SLC24A4: variants seen among roughly 807,000 people sequenced by gnomAD.
SLC24A4 encodes the protein sodium/potassium/calcium exchanger 4.
Under a neutral mutation model 79.0 loss-of-function variants are expected in SLC24A4, and 53 were observed. The ratio of observed to expected loss-of-function variants is 0.67; its 90% confidence interval spans 0.54 to 0.84. The LOEUF (loss-of-function observed/expected upper bound fraction) is 0.84, where lower values mean the gene tolerates loss of function less well. Ranked by LOEUF, SLC24A4 falls within the 40% of genes least tolerant of loss-of-function variation. The pLI is 0.00. For missense variants in SLC24A4, 731 were observed against 822.0 expected, an observed-to-expected ratio of 0.89 and a Z score of 1.35; for synonymous variants, 323 against 323.8, an observed-to-expected ratio of 1.00 and a Z score of 0.03.
At chr14:92,334,525 A>G (rs923381813) in intron 2 of SLC24A4, among the ~76,000 whole-genome samples, 4 of 152,208 alleles carry the variant, frequency 2.6e-5, no homozygotes, top group African/African-American at 7.2e-5. Context: ...GCCTGCTGGC[A>G]TTTAGTGGCT....
chr14:92,420,970 C>T (rs1279293047), intron 2 of SLC24A4, among the ~76,000 whole-genome samples: 1 of 152,152 alleles, frequency 6.6e-6, no homozygotes, highest in East Asian at 1.9e-4. Flanking sequence ...TCAGAGCCCT[C>T]ACTGCTCCTC....
At position 92,432,889 on chromosome 14, in the gene SLC24A4, A is replaced by G. The variant is rs565643583; in HGVS notation, c.242-1023A>G. 4.5e-4 allele frequency among the ~76,000 whole-genome samples: 69 copies of G among 152,374 alleles called. 1 individual carries two copies. The highest frequency in any genetic ancestry group is 4.2e-3 in the Admixed American group (65 of 15,308). On this transcript the variant is annotated intron_variant, in intron 2 of 16. Coordinates refer to ENST00000532405, the MANE Select transcript of SLC24A4 (RefSeq NM_153646.4). ...CTGGAAGTTTATTTAACAAGCATTT[A>G]TCAAGCACCCACAATGAACTAGGTG...
intron 4 of SLC24A4, 120 bp downstream of exon 4, chr14:92,439,529 C>A: frequency 1.1e-6 from 1 of 911,642 alleles, no homozygotes; most frequent in Non-Finnish European, 1.8e-6. Context: ...ACTGTCACAC[C>A]GAGCACTTAG....
chr14:92,348,989 G>A (rs1886708173), intron 2 of SLC24A4, among the ~76,000 whole-genome samples: 2 of 151,912 alleles, frequency 1.3e-5, no homozygotes, highest in East Asian at 1.9e-4. Context: ...CTCGCAGGGA[G>A]GCACCAAGTC....
intron 2 of SLC24A4, among the ~76,000 whole-genome samples, chr14:92,378,854 A>G (rs990047594): frequency 2.6e-5 from 4 of 152,248 alleles, no homozygotes; most frequent in African/African-American, 9.6e-5. Context: ...GTTTGAGGCC[A>G]GCCTGGGCAA....
intron 2 of SLC24A4, among the ~76,000 whole-genome samples, chr14:92,402,549 A>C (rs1272021504): frequency 6.6e-6 from 1 of 152,132 alleles, no homozygotes; most frequent in Admixed American, 6.6e-5. Flanking sequence ...TATATTAGTC[A>C]ATTTTCATGG....
chr14:92,398,892 G>T lies in SLC24A4; in HGVS notation c.242-35020G>T, dbSNP rs1162897375. On this transcript the variant is annotated intron_variant, in intron 2 of 16. Transcript: ENST00000532405. The surrounding 1 kb of genome is among the most constrained non-coding windows in gnomAD (Gnocchi z 4.1). The stretch of plus-strand genomic sequence containing the variant: ...CAACTCAATGCCTGCTTCTTTCCCA[G>T]GATTGGATCTTCAAGGACAAGGACC... 2.0e-5 allele frequency among the ~76,000 whole-genome samples: 3 copies of T among 152,190 alleles called. No individual in the cohort carries two copies. Among genetic ancestry groups the T allele is most frequent in the Non-Finnish European group, 2.9e-5 (2 of 68,036 alleles).
At chr14:92,460,574 A>T (rs1893742222) in intron 12 of SLC24A4, among the ~76,000 whole-genome samples, 1 of 152,176 alleles carries the variant, frequency 6.6e-6, no homozygotes, top group Admixed American at 6.5e-5. Context: ...TCTGGGCTTC[A>T]GGCACTTAGC....
intron 2 of SLC24A4, among the ~76,000 whole-genome samples, chr14:92,386,587 G>A (rs1889171338): frequency 6.6e-6 from 1 of 152,134 alleles, no homozygotes; most frequent in Non-Finnish European, 1.5e-5. Flanking sequence ...AACTGTACCT[G>A]CTATTAACCA....
At chr14:92,471,999 G>A (rs1894461780) in intron 12 of SLC24A4, among the ~76,000 whole-genome samples, 1 of 152,144 alleles carries the variant, frequency 6.6e-6, no homozygotes, top group Admixed American at 6.5e-5. Flanking sequence ...GGCATCTGAG[G>A]CCTCCCTGCC....
At chr14:92,431,194 T>C (rs112365685) in intron 2 of SLC24A4, among the ~76,000 whole-genome samples, 137 of 152,342 alleles carry the variant, frequency 9.0e-4, no homozygotes, top group African/African-American at 3.2e-3. Flanking sequence ...GGGGACAGAA[T>C]GGATGTCAAG....
rs71877757 is a variant in SLC24A4, at chr14:92,448,345, T to TACACACACACACACACACACACACACAC, written c.738-721_738-694dup. Among the ~76,000 whole-genome samples the TACACACACACACACACACACACACACAC allele has an allele frequency of 3.4e-3, 451 of 132,024 alleles. 13 individuals are homozygous for TACACACACACACACACACACACACACAC. Among genetic ancestry groups the TACACACACACACACACACACACACACAC allele is most frequent in the Admixed American group, 0.01 (129 of 12,340 alleles). The allele number at this position is 132,024 out of a possible 152,430, so 86.6% of individuals were successfully genotyped here. A position where few individuals can be genotyped will look rare whatever the true frequency, so the allele number is the denominator to read the frequency against. On this transcript the variant is annotated intron_variant, in intron 9 of 16. Transcript: ENST00000532405. Reference sequence around the variant, plus strand: ...TGACATATATTTTTTTCCCACTACATACACACACACACACACACACACACA... The same window carrying TACACACACACACACACACACACACACAC: ...TGACATATATTTTTTTCCCACTACATACACACACACACACACACACACACACACACACACACACACACACACACACACA...
intron 2 of SLC24A4, among the ~76,000 whole-genome samples, chr14:92,383,671 C>T (rs911896381): frequency 1.1e-4 from 16 of 152,184 alleles, no homozygotes; most frequent in African/African-American, 3.9e-4. Flanking sequence ...ATCAACCCTC[C>T]GAGTGGCCCT....
Position 92,491,794 on chromosome 14 carries a change from T to A in SLC24A4, c.1650+17T>A, listed in dbSNP as rs758981160. 13 of 1,580,244 alleles carry A rather than the reference T, an allele frequency of 8.2e-6. No individual in the cohort carries two copies. The highest frequency in any genetic ancestry group is 1.1e-5 in the South Asian group (1 of 90,372). On this transcript the variant is annotated intron_variant, in intron 15 of 16. Coordinates refer to ENST00000532405, the MANE Select transcript of SLC24A4 (RefSeq NM_153646.4). ...GGATCAACAGTAAGTTCCTCTCACC[T>A]TTAACAGATGTGTTTTACCCAGAAG...
chr14:92,390,825 G>A (rs1048615112), intron 2 of SLC24A4, among the ~76,000 whole-genome samples: 5 of 152,306 alleles, frequency 3.3e-5, no homozygotes, highest in African/African-American at 7.2e-5. Context: ...GTATTGAACC[G>A]GATAATGCCA....
At chr14:92,400,907 G>A (rs1199850072) in intron 2 of SLC24A4, among the ~76,000 whole-genome samples, 3 of 152,180 alleles carry the variant, frequency 2.0e-5, no homozygotes, top group Non-Finnish European at 1.5e-5. Context: ...TGTTTGAAGA[G>A]TTACTGACGA....
chr14:92,357,469 C>T (rs145629209), intron 2 of SLC24A4, among the ~76,000 whole-genome samples: 8 of 152,238 alleles, frequency 5.3e-5, no homozygotes, highest in African/African-American at 1.9e-4. Context: ...TGAATGGCTA[C>T]ATAAAATGTG....
At chr14:92,379,520 A>G (rs1480561371) in intron 2 of SLC24A4, among the ~76,000 whole-genome samples, 1 of 151,964 alleles carries the variant, frequency 6.6e-6, no homozygotes, top group Non-Finnish European at 1.5e-5. Flanking sequence ...GTTGGGGGGA[A>G]CCATGGCACC....
intron 2 of SLC24A4, among the ~76,000 whole-genome samples, chr14:92,385,721 G>A (rs931405851): frequency 2.0e-5 from 3 of 152,094 alleles, no homozygotes; most frequent in Non-Finnish European, 4.4e-5. Flanking sequence ...TCTGCGCACC[G>A]GCTATCTCCC....
Sources: allele counts gnomAD v4.1 joint callset (sites outside exome capture counted in the v4.1 genomes callset), GRCh38; gene constraint gnomAD v4.1.1; non-coding constraint Gnocchi (gnomAD v3.1); transcripts MANE v1.5; gene names NCBI Gene and HGNC (gene_info 2026-07-23, HGNC 2026-07-21).